PRKN: variants seen among roughly 807,000 people sequenced by gnomAD.
The protein encoded by PRKN is E3 ubiquitin-protein ligase parkin.
In PRKN, 56 loss-of-function variants were observed where a neutral mutation model predicts 59.5. That is an observed-to-expected ratio of 0.94 (90% confidence interval 0.76 to 1.18). PRKN has a LOEUF of 1.18. Ranked by LOEUF, PRKN falls within the 50% of genes most tolerant of loss-of-function variation. The pLI is 0.00. For missense variants in PRKN, 657 were observed against 596.4 expected (o/e 1.10, Z -1.06); for synonymous variants, 250 against 222.1 (o/e 1.13, Z -1.12).
Position 162,056,871 on chromosome 6 carries a change from T to C in PRKN, c.535-2697A>G, listed in dbSNP as rs1254985376. ...CCTGGCAGACAACACTTCACACGCG[T>C]TGTCACAACTGAGTGCCTCTCGAGT... On this transcript the variant is annotated intron_variant, in intron 4 of 11. Coordinates refer to ENST00000366898, the MANE Select transcript of PRKN (RefSeq NM_004562.3). The surrounding 1 kb of genome is among the most constrained non-coding windows in gnomAD (Gnocchi z 4.9). 1.3e-5 allele frequency among the ~76,000 whole-genome samples: 2 copies of C among 152,196 alleles called. No individual in the cohort carries two copies. Among genetic ancestry groups the C allele is most frequent in the African/African-American group, 2.4e-5 (1 of 41,446 alleles).
chr6:162,382,814 C>A (rs371336920), intron 2 of PRKN, among the ~76,000 whole-genome samples: 1 of 152,318 alleles, frequency 6.6e-6, no homozygotes, highest in African/African-American at 2.4e-5. Flanking sequence ...TCCTCTCAAA[C>A]CCTCTCAAAG....
chr6:161,698,905 C>A (rs924906274), intron 7 of PRKN, among the ~76,000 whole-genome samples: 12 of 152,070 alleles, frequency 7.9e-5, no homozygotes, highest in African/African-American at 2.7e-4. Flanking sequence ...TGGACTTCAT[C>A]AAAGTGAAAA....
At chr6:162,699,603 A>T (rs1354179847) in intron 1 of PRKN, among the ~76,000 whole-genome samples, 1 of 152,234 alleles carries the variant, frequency 6.6e-6, no homozygotes, top group Non-Finnish European at 1.5e-5. Context: ...CATATATTAA[A>T]CAAAAGCTAA....
chr6:162,141,869 G>C (rs914465822), intron 4 of PRKN, among the ~76,000 whole-genome samples: 4 of 152,038 alleles, frequency 2.6e-5, no homozygotes, highest in African/African-American at 7.3e-5. Flanking sequence ...CATTAAAGGA[G>C]AGTCAGTCTA....
chr6:161,877,676 G>T (rs1401414651), intron 6 of PRKN, among the ~76,000 whole-genome samples: 2 of 151,936 alleles, frequency 1.3e-5, no homozygotes, highest in South Asian at 4.2e-4. Flanking sequence ...CACCGTGTTA[G>T]CCAGGATGGT....
At chr6:161,904,053 G>A (rs1222753599) in intron 6 of PRKN, among the ~76,000 whole-genome samples, 1 of 151,996 alleles carries the variant, frequency 6.6e-6, no homozygotes, top group Non-Finnish European at 1.5e-5. Context: ...ATGGAATGAT[G>A]AGGAAATGAC....
At chr6:161,905,806 T>A (rs118116993) in intron 6 of PRKN, among the ~76,000 whole-genome samples, 12,736 of 151,058 alleles carry the variant, frequency 0.084, 822 homozygotes, top group East Asian at 0.34. Context: ...ACCAAAAATA[T>A]GAAAATTAGC....
intron 6 of PRKN, among the ~76,000 whole-genome samples, chr6:161,927,490 T>C (rs1779011069): frequency 6.6e-6 from 1 of 152,078 alleles, no homozygotes; most frequent in Non-Finnish European, 1.5e-5. Context: ...AAAGCAAAGA[T>C]GATAATAGAG....
At chr6:161,760,556 C>G (rs1789153167) in intron 7 of PRKN, among the ~76,000 whole-genome samples, 1 of 151,902 alleles carries the variant, frequency 6.6e-6, no homozygotes, top group African/African-American at 2.4e-5. Flanking sequence ...AGGCTGAGCG[C>G]CGGAAGCCGT....
At chr6:161,682,620 C>A (rs193057138) in intron 7 of PRKN, among the ~76,000 whole-genome samples, 1 of 152,192 alleles carries the variant, frequency 6.6e-6, no homozygotes, top group East Asian at 1.9e-4. Flanking sequence ...CATTCTCAGG[C>A]ACTGCGTTCA....
chr6:162,689,181 CTGTGGG>C (rs1169939790), intron 1 of PRKN, among the ~76,000 whole-genome samples: 1 of 152,166 alleles, frequency 6.6e-6, no homozygotes, highest in Non-Finnish European at 1.5e-5. Flanking sequence ...CTCTGCAACC[CTGTGGG>C]TTATTAATAA....
chr6:162,292,589 G>C (rs7451077), intron 2 of PRKN, among the ~76,000 whole-genome samples: 2 of 151,850 alleles, frequency 1.3e-5, no homozygotes, highest in Non-Finnish European at 2.9e-5. Flanking sequence ...TGGAAGCTTC[G>C]AAGTGGGAAG....
intron 7 of PRKN, among the ~76,000 whole-genome samples, chr6:161,681,419 C>T (rs4709538): frequency 0.16 from 24,338 of 151,314 alleles, 3,036 homozygotes; most frequent in Admixed American, 0.42. Context: ...TACCTTTTTC[C>T]AATTGCAACT....
rs200687735 is a variant in PRKN, at chr6:162,255,077, A to AAAAATAAAATAAAAT, written c.412+7433_412+7447dup. On this transcript the variant is annotated intron_variant, in intron 3 of 11. Coordinates refer to ENST00000366898, the MANE Select transcript of PRKN (RefSeq NM_004562.3). ...ATTAAGTAAACAAAGAGATTCATAC[A>AAAAATAAAATAAAAT]AAAATAAAATAAAATAAAATAAAAT... Among the ~76,000 whole-genome samples, 1,115 of 138,386 alleles carry AAAAATAAAATAAAAT rather than the reference A, an allele frequency of 8.1e-3. 6 individuals carry two copies. The highest frequency in any genetic ancestry group is 0.015 in the African/African-American group (533 of 35,702). 90.8% of individuals were successfully genotyped at this position (138,386 alleles called of 152,430 possible). A position where few individuals can be genotyped will look rare whatever the true frequency, so the allele number is the denominator to read the frequency against.
chr6:162,367,108 C>G (rs1472185185), intron 2 of PRKN, among the ~76,000 whole-genome samples: 2 of 152,050 alleles, frequency 1.3e-5, no homozygotes, highest in East Asian at 3.9e-4. Flanking sequence ...GCCTGCTGTT[C>G]TCATGATGTG....
intron 4 of PRKN, among the ~76,000 whole-genome samples, chr6:162,119,133 G>C (rs2128304967): frequency 6.6e-6 from 1 of 152,260 alleles, no homozygotes; most frequent in East Asian, 1.9e-4. Flanking sequence ...TGTGGATCCT[G>C]GTAGACCCAA....
chr6:162,706,157 A>T (rs917063386), intron 1 of PRKN, among the ~76,000 whole-genome samples: 9 of 151,590 alleles, frequency 5.9e-5, no homozygotes, highest in African/African-American at 2.2e-4. Flanking sequence ...AAAAGACCAC[A>T]GCAGGAAAGC....
At chr6:161,867,819 G>A (rs1414807797) in intron 6 of PRKN, among the ~76,000 whole-genome samples, 2 of 150,972 alleles carry the variant, frequency 1.3e-5, no homozygotes, top group African/African-American at 4.9e-5. Flanking sequence ...GGAGTGCAGC[G>A]GCACAATCTT....
chr6:161,476,322 A>T (rs553407290), intron 9 of PRKN, among the ~76,000 whole-genome samples: 25 of 152,312 alleles, frequency 1.6e-4, no homozygotes, highest in Non-Finnish European at 3.1e-4. Context: ...TACATCCTAA[A>T]AAAAGCTGCT....
Sources: gnomAD v4.1 joint callset for allele counts (sites outside exome capture counted in the v4.1 genomes callset) on GRCh38, gnomAD v4.1.1 for gene constraint, Gnocchi (gnomAD v3.1) non-coding constraint, MANE v1.5 for transcripts, NCBI Gene and HGNC (gene_info 2026-07-23, HGNC 2026-07-21) for gene names.